The following ITGBL1 variants were observed in gnomAD, a reference collection of about 807,000 sequenced individuals.
The protein encoded by ITGBL1 is integrin subunit beta like 1.
In ITGBL1, 51 loss-of-function variants were observed where a neutral mutation model predicts 68.5. That is an observed-to-expected ratio of 0.74 (90% CI 0.59 to 0.94). ITGBL1 has a LOEUF of 0.94. ITGBL1 is among the 40% of genes least tolerant of loss of function. ITGBL1 has a pLI of 0.00. For synonymous variants in ITGBL1, 209 were observed against 227.3 expected (o/e 0.92, Z 0.72); for missense variants, 649 against 647.4 (o/e 1.00, Z -0.03).
chr13:101,691,170 T>G (rs573525973), intron 7 of ITGBL1, among the ~76,000 whole-genome samples: 1 of 152,256 alleles, frequency 6.6e-6, no homozygotes, highest in South Asian at 2.1e-4. Context: ...GTGCCTGTTC[T>G]AGCTGCCAGG....
chr13:101,482,883 G>A (rs1312165017), intron 2 of ITGBL1, among the ~76,000 whole-genome samples: 1 of 152,084 alleles, frequency 6.6e-6, no homozygotes, highest in Non-Finnish European at 1.5e-5. Flanking sequence ...GCATCAACGG[G>A]GGACTTGTTA....
intron 7 of ITGBL1, among the ~76,000 whole-genome samples, chr13:101,679,818 G>A (rs1157851870): frequency 1.3e-5 from 2 of 152,158 alleles, no homozygotes; most frequent in African/African-American, 4.8e-5. Context: ...AACCTTTAGA[G>A]ATGAGTGTGG....
intron 7 of ITGBL1, among the ~76,000 whole-genome samples, chr13:101,682,863 T>C (rs1359843240): frequency 3.3e-5 from 5 of 152,084 alleles, no homozygotes; most frequent in African/African-American, 1.2e-4. Context: ...TTTGGTGTCA[T>C]ATTTAGAATA....
chr13:101,653,089 T>G (rs2032801735), intron 7 of ITGBL1, among the ~76,000 whole-genome samples: 1 of 132,714 alleles, frequency 7.5e-6, no homozygotes, highest in Non-Finnish European at 1.6e-5. Flanking sequence ...AGAGTGAAAC[T>G]GAGAAAGAAA....
chr13:101,675,417 T>A (rs1409594492), intron 7 of ITGBL1, among the ~76,000 whole-genome samples: 1 of 152,190 alleles, frequency 6.6e-6, no homozygotes, highest in Non-Finnish European at 1.5e-5. Flanking sequence ...ATTCTCACAG[T>A]CCTGGAAGCT....
intron 2 of ITGBL1, among the ~76,000 whole-genome samples, chr13:101,560,075 T>G (rs1327947778): frequency 6.6e-6 from 1 of 152,164 alleles, no homozygotes; most frequent in Non-Finnish European, 1.5e-5. Context: ...GTGCCCTGTC[T>G]TAAAAATGGT....
At chr13:101,600,089 T>C (rs1282046303) in intron 7 of ITGBL1, among the ~76,000 whole-genome samples, 3 of 151,898 alleles carry the variant, frequency 2.0e-5, no homozygotes, top group African/African-American at 7.3e-5. Flanking sequence ...TTCTTTCATT[T>C]GTTTGTATGC....
At chr13:101,591,970 A>C (rs1467311810) in intron 6 of ITGBL1, among the ~76,000 whole-genome samples, 1 of 152,170 alleles carries the variant, frequency 6.6e-6, no homozygotes, top group Non-Finnish European at 1.5e-5. Flanking sequence ...GTAGCTTTTA[A>C]ACTATTTAAT....
chr13:101,710,458 C>A (rs998769376), intron 9 of ITGBL1, among the ~76,000 whole-genome samples: 1 of 152,126 alleles, frequency 6.6e-6, no homozygotes, highest in Non-Finnish European at 1.5e-5. Flanking sequence ...ACCCCACAAC[C>A]CACCCTGAGA....
intron 2 of ITGBL1, among the ~76,000 whole-genome samples, chr13:101,491,796 GC>G (rs1446156678): frequency 6.6e-6 from 1 of 151,978 alleles, no homozygotes; most frequent in Non-Finnish European, 1.5e-5. Context: ...CCCTGACAGG[GC>G]CCCGGTGTGT....
At chr13:101,717,168 A>G (rs1436291816), downstream of ITGBL1, 1 of 152,152 alleles carries the variant, frequency 6.6e-6, no homozygotes, top group Non-Finnish European at 1.5e-5. Flanking sequence ...TTTATAAGTC[A>G]AATTTCCAAA....
chr13:101,468,780 T>G (rs1326503344), intron 2 of ITGBL1, among the ~76,000 whole-genome samples: 4 of 152,160 alleles, frequency 2.6e-5, no homozygotes, highest in African/African-American at 9.7e-5. Context: ...TTAAAGAAAG[T>G]GAGATAGCCG....
At chr13:101,568,690 G>A (rs748097754) in intron 3 of ITGBL1, among the ~76,000 whole-genome samples, 2 of 152,040 alleles carry the variant, frequency 1.3e-5, no homozygotes, top group Non-Finnish European at 2.9e-5. Context: ...AAATGCTAAA[G>A]GTGAGGATTT....
chr13:101,651,202 A>G lies in ITGBL1; in HGVS notation c.1016-41383A>G, dbSNP rs560766705. Among the ~76,000 whole-genome samples, 7 of 152,304 alleles carry G rather than the reference A, an allele frequency of 4.6e-5. No individual in the cohort carries two copies. The East Asian group carries it at 1.2e-3, about 25-fold the overall frequency. Reference sequence around the variant, plus strand: ...TGGGTCAAAGGGTATTTATGCTTCTAGATCTTTGAGGAATCTCCACACTGT... The same window carrying G: ...TGGGTCAAAGGGTATTTATGCTTCTGGATCTTTGAGGAATCTCCACACTGT... On this transcript the variant is annotated intron_variant, in intron 7 of 10. Coordinates refer to ENST00000376180, the MANE Select transcript of ITGBL1 (RefSeq NM_004791.3).
chr13:101,574,307 A>T (rs989463366), intron 3 of ITGBL1, among the ~76,000 whole-genome samples: 1 of 151,676 alleles, frequency 6.6e-6, no homozygotes, highest in African/African-American at 2.4e-5. Flanking sequence ...AGCCTGTGCT[A>T]TTGTCTCATG....
intron 7 of ITGBL1, among the ~76,000 whole-genome samples, chr13:101,661,133 A>AG (rs1343330209): frequency 6.6e-6 from 1 of 151,862 alleles, no homozygotes; most frequent in African/African-American, 2.4e-5. Flanking sequence ...CATAGTAAAA[A>AG]AAAAAATGGC....
At chr13:101,645,081 G>C (rs550261219) in intron 7 of ITGBL1, among the ~76,000 whole-genome samples, 20 of 152,182 alleles carry the variant, frequency 1.3e-4, no homozygotes, top group African/African-American at 4.6e-4. Context: ...AAATTTTGAG[G>C]GAGGTCTTAT....
Position 101,596,665 on chromosome 13 carries a change from G to A in ITGBL1, c.869-1488G>A, listed in dbSNP as rs73554098. Among the ~76,000 whole-genome samples the A allele has an allele frequency of 9.6e-3, 1,457 of 152,234 alleles. 23 individuals carry two copies. The highest frequency in any genetic ancestry group is 0.032 in the African/African-American group (1,330 of 41,540). The stretch of plus-strand genomic sequence containing the variant: ...TCAGTTCATGGCCCCCAGTTTGACC[G>A]TGGTTGTGAGACCTTAATAAATAGC... On this transcript the variant is annotated intron_variant, in intron 6 of 10. Transcript: ENST00000376180.
intron 7 of ITGBL1, among the ~76,000 whole-genome samples, chr13:101,617,787 C>T (rs115185136): frequency 0.011 from 1,659 of 152,122 alleles, 33 homozygotes; most frequent in African/African-American, 0.037. Flanking sequence ...CCATATGAAT[C>T]TTGTGAATGT....
Sources: gnomAD v4.1 joint callset for allele counts (sites outside exome capture counted in the v4.1 genomes callset) on GRCh38, gnomAD v4.1.1 for gene constraint, MANE v1.5 for transcripts, NCBI Gene and HGNC (gene_info 2026-07-23, HGNC 2026-07-21) for gene names.